Variants in RBMS3 observed in about 807,000 individuals in gnomAD.
RBMS3 encodes RNA binding motif single stranded interacting protein 3.
A neutral mutation model predicts 66.8 loss-of-function variants in RBMS3; 27 were observed. That is an observed-to-expected ratio of 0.40 (90% CI 0.30 to 0.56). RBMS3 has a LOEUF of 0.56. RBMS3 is among the 20% of genes least tolerant of loss of function. The pLI, the probability that RBMS3 is intolerant of heterozygous loss-of-function variation, is 0.40. For synonymous variants in RBMS3, 188 were observed against 183.0 expected, an observed-to-expected ratio of 1.03 and a Z score of -0.22; for missense variants, 513 against 549.5, an observed-to-expected ratio of 0.93 and a Z score of 0.66.
chr3:30,010,302 G>A lies in RBMS3; in HGVS notation c.*6440G>A, dbSNP rs1215207332. On this transcript the variant is annotated 3_prime_UTR_variant, in exon 15 of 15. Coordinates refer to ENST00000383767, the MANE Select transcript of RBMS3 (RefSeq NM_001003793.3). ...TTAGCAACCATCTCCCCCATCCCTT[G>A]GGCTTTCTGTAGATCAGTGGATGTT... is the stretch of plus-strand genomic sequence containing the variant. The A allele has an allele frequency of 6.6e-6, 1 of 152,070 alleles. No individual in the cohort carries two copies. The highest frequency in any genetic ancestry group is 1.5e-5 in the Non-Finnish European group (1 of 68,002). The allele number at this position is 152,070 out of a possible 1,614,324, so 9.4% of individuals were successfully genotyped here. A position where few individuals can be genotyped will look rare whatever the true frequency, so the allele number is the denominator to read the frequency against.
chr3:29,750,671 T>C (rs1186368460), intron 5 of RBMS3, among the ~76,000 whole-genome samples: 1 of 152,124 alleles, frequency 6.6e-6, no homozygotes, highest in African/African-American at 2.4e-5. Context: ...CTAGTACCCA[T>C]TAGTTATTTT....
At chr3:30,003,034 C>A (rs1412331128) in intron 14 of RBMS3, among the ~76,000 whole-genome samples, 3 of 151,958 alleles carry the variant, frequency 2.0e-5, no homozygotes, top group African/African-American at 7.2e-5. Flanking sequence ...GCATCCAATA[C>A]CCTGAGCAAA....
chr3:29,933,514 T>C (rs1292614596), intron 10 of RBMS3, among the ~76,000 whole-genome samples: 1 of 152,144 alleles, frequency 6.6e-6, no homozygotes, highest in Non-Finnish European at 1.5e-5. Context: ...TCCCTGACTG[T>C]ACATTTCTTC....
intron 6 of RBMS3, among the ~76,000 whole-genome samples, chr3:29,811,207 G>T (rs943183855): frequency 1.3e-5 from 2 of 152,080 alleles, no homozygotes; most frequent in Non-Finnish European, 2.9e-5. Context: ...GCTGAAGACT[G>T]GGGCTCTCCT....
intron 9 of RBMS3, among the ~76,000 whole-genome samples, chr3:29,898,015 A>G (rs41471446): frequency 0.016 from 2,480 of 151,748 alleles, 65 homozygotes; most frequent in African/African-American, 0.055. Flanking sequence ...CAGAGAGACC[A>G]AAAGAGACCT....
At chr3:29,937,684 A>G (rs2149691609) in intron 11 of RBMS3, among the ~76,000 whole-genome samples, 1 of 152,104 alleles carries the variant, frequency 6.6e-6, no homozygotes, top group African/African-American at 2.4e-5. Flanking sequence ...TTTCTCACCT[A>G]CACTTTTAGA....
intron 1 of RBMS3, among the ~76,000 whole-genome samples, chr3:29,388,147 A>G (rs1034241449): frequency 3.9e-5 from 6 of 152,328 alleles, no homozygotes; most frequent in Admixed American, 3.9e-4. Context: ...ATTAAAAAAT[A>G]CATGTGTATC....
chr3:29,496,237 AG>A (rs1454345615), intron 3 of RBMS3, among the ~76,000 whole-genome samples: 1 of 151,504 alleles, frequency 6.6e-6, no homozygotes, highest in South Asian at 2.1e-4. Flanking sequence ...GACAAAAAAA[AG>A]TTATATTTTA....
At chr3:29,674,049 T>C (rs564972907) in intron 4 of RBMS3, among the ~76,000 whole-genome samples, 1 of 152,316 alleles carries the variant, frequency 6.6e-6, no homozygotes, top group African/African-American at 2.4e-5. Flanking sequence ...AGAAAGCTTA[T>C]CCATCATGAT....
chr3:29,597,678 C>G (rs775447718), intron 4 of RBMS3, among the ~76,000 whole-genome samples: 1 of 152,044 alleles, frequency 6.6e-6, no homozygotes, highest in Non-Finnish European at 1.5e-5. Context: ...AGAGAATATT[C>G]AACTTTAGAA....
At chr3:29,313,194 C>A (rs1439342205) in intron 1 of RBMS3, among the ~76,000 whole-genome samples, 2 of 151,662 alleles carry the variant, frequency 1.3e-5, no homozygotes, top group Non-Finnish European at 2.9e-5. Context: ...AAGGGTGGTC[C>A]CACAAATCAA....
At chr3:29,988,322 T>A in intron 13 of RBMS3, 99 bp downstream of exon 13, 1 of 927,308 alleles carries the variant, frequency 1.1e-6, no homozygotes, top group African/African-American at 1.6e-5. Flanking sequence ...CTTGCAATTT[T>A]TGTGCTACTC....
At chr3:29,608,770 G>A (rs1236943607) in intron 4 of RBMS3, among the ~76,000 whole-genome samples, 1 of 151,954 alleles carries the variant, frequency 6.6e-6, no homozygotes, top group Non-Finnish European at 1.5e-5. Context: ...AGCTGAGAGG[G>A]CAAGAGATCC....
chr3:29,296,743 T>A (rs2033294818), intron 1 of RBMS3, among the ~76,000 whole-genome samples: 1 of 151,774 alleles, frequency 6.6e-6, no homozygotes. Flanking sequence ...GAATGTGTAT[T>A]TCTGATAGTA....
chr3:29,866,077 T>TA (rs35591949), intron 6 of RBMS3, among the ~76,000 whole-genome samples: 36,796 of 105,440 alleles, frequency 0.35, 6,753 homozygotes, highest in East Asian at 0.46. Flanking sequence ...CACCAAATAC[T>TA]AAAAAAAAAA....
At chr3:29,302,014 T>A (rs1432123661) in intron 1 of RBMS3, among the ~76,000 whole-genome samples, 2 of 151,990 alleles carry the variant, frequency 1.3e-5, no homozygotes, top group African/African-American at 2.4e-5. Flanking sequence ...TAAATTTTTT[T>A]TAAAAAGTTT....
chr3:29,759,507 C>G (rs955428236), intron 5 of RBMS3, among the ~76,000 whole-genome samples: 1 of 152,078 alleles, frequency 6.6e-6, no homozygotes, highest in African/African-American at 2.4e-5. Flanking sequence ...GATTCAGTGG[C>G]CCATCTGAAA....
In RBMS3 at chr3:29,612,608, A is replaced by T. The variant is rs2048529535; in HGVS notation, c.399+25403A>T. ...ATTTGTGCTAAGTTTTTCTTCTACC[A>T]CCAAGATGAAAAAGTAGCCATGTAA... is the stretch of plus-strand genomic sequence containing the variant. On this transcript the variant is annotated intron_variant, in intron 4 of 14. Coordinates refer to ENST00000383767, the MANE Select transcript of RBMS3 (RefSeq NM_001003793.3). Among the ~76,000 whole-genome samples the T allele has an allele frequency of 2.0e-5, 3 of 152,078 alleles. No individual in the cohort carries two copies. In the South Asian group the frequency reaches 6.2e-4, roughly 31 times the overall value.
At chr3:29,537,137 A>T (rs1208201250) in intron 3 of RBMS3, among the ~76,000 whole-genome samples, 1 of 152,152 alleles carries the variant, frequency 6.6e-6, no homozygotes, top group Non-Finnish European at 1.5e-5. Context: ...GTGTTTTTAG[A>T]TTTTTACTAA....
Sources: gnomAD v4.1 joint callset for allele counts (sites outside exome capture counted in the v4.1 genomes callset) on GRCh38, gnomAD v4.1.1 for gene constraint, MANE v1.5 for transcripts, NCBI Gene and HGNC (gene_info 2026-07-23, HGNC 2026-07-21) for gene names.